Variants in DENND5B observed in about 807,000 individuals in gnomAD.
DENND5B encodes DENN domain containing 5B.
Under a neutral mutation model 140.6 loss-of-function variants are expected in DENND5B, and 34 were observed. That is an observed-to-expected ratio of 0.24 (90% CI 0.18 to 0.32). DENND5B has a LOEUF of 0.32. DENND5B is among the 10% of genes least tolerant of loss of function. The pLI, the probability that DENND5B is intolerant of heterozygous loss-of-function variation, is 1.00. For synonymous variants in DENND5B, 551 were observed against 562.1 expected (o/e 0.98, Z 0.28); for missense variants, 1,142 against 1,560.2 (o/e 0.73, Z 4.52).
At chr12:31,518,341 C>T (rs74818397) in intron 1 of DENND5B, among the ~76,000 whole-genome samples, 85 of 152,330 alleles carry the variant, frequency 5.6e-4, no homozygotes, top group African/African-American at 1.8e-3. Flanking sequence ...AACACAGATG[C>T]TCAGCTAACA....
chr12:31,558,087 C>T (rs1217239314), intron 1 of DENND5B, among the ~76,000 whole-genome samples: 3 of 152,164 alleles, frequency 2.0e-5, no homozygotes. Flanking sequence ...CAAAAGCAAT[C>T]GCATAGACTA....
chr12:31,472,154 T>C (rs1316880826), intron 3 of DENND5B, among the ~76,000 whole-genome samples: 1 of 152,174 alleles, frequency 6.6e-6, no homozygotes, highest in African/African-American at 2.4e-5. Context: ...CTTATTGAAT[T>C]TGCTATCTCA....
At chr12:31,392,171 C>T in intron 19 of DENND5B, 96 bp downstream of exon 19, 6 of 1,363,420 alleles carry the variant, frequency 4.4e-6, no homozygotes, top group South Asian at 1.4e-5. Flanking sequence ...TATATATATC[C>T]TTATCACTAA....
chr12:31,574,740 A>C (rs1317325085), intron 1 of DENND5B, among the ~76,000 whole-genome samples: 1 of 152,204 alleles, frequency 6.6e-6, no homozygotes, highest in African/African-American at 2.4e-5. Context: ...CACCAGAAAC[A>C]AGATGATTTA....
In DENND5B at chr12:31,443,044, T is replaced by TTGTGTGTG. The variant is rs60242727; in HGVS notation, c.1862-127_1862-120dup. ...TCACTCTGACACTCTGAAACAGATA[T>TTGTGTGTG]TGTGTGTGTGTGTGTGTGTGCACGC... On this transcript the variant is annotated intron_variant, in intron 6 of 20. Coordinates refer to ENST00000389082, the MANE Select transcript of DENND5B (RefSeq NM_144973.4). 111 of 506,280 alleles carry TTGTGTGTG rather than the reference T, an allele frequency of 2.2e-4. No homozygotes were observed. In the South Asian group the frequency reaches 2.8e-3, roughly 13 times the overall value. 31.4% of individuals were successfully genotyped at this position (506,280 alleles called of 1,614,324 possible).
chr12:31,533,606 G>A (rs900049717), intron 1 of DENND5B, among the ~76,000 whole-genome samples: 1 of 152,194 alleles, frequency 6.6e-6, no homozygotes. Flanking sequence ...GATTATGTAA[G>A]CAGTGCCCAA....
chr12:31,460,169 G>A (rs764953919), intron 4 of DENND5B, 25 bp downstream of exon 4: 3 of 1,591,414 alleles, frequency 1.9e-6, no homozygotes, highest in Non-Finnish European at 1.7e-6. Context: ...AACAGCAAAT[G>A]CTTCATCATT....
chr12:31,412,122 A>AT (rs1307733215), intron 13 of DENND5B, among the ~76,000 whole-genome samples: 1 of 151,750 alleles, frequency 6.6e-6, no homozygotes, highest in Non-Finnish European at 1.5e-5. Flanking sequence ...TAATTTTTTT[A>AT]TTTTTTGTAG....
chr12:31,523,597 T>A (rs1947981796), intron 1 of DENND5B, among the ~76,000 whole-genome samples: 1 of 151,750 alleles, frequency 6.6e-6, no homozygotes, highest in Admixed American at 6.6e-5. Context: ...CCTAAAAATA[T>A]GCTTTTCCTC....
intron 4 of DENND5B, among the ~76,000 whole-genome samples, chr12:31,458,575 T>C (rs1944882636): frequency 6.6e-6 from 1 of 152,202 alleles, no homozygotes; most frequent in South Asian, 2.1e-4. Flanking sequence ...ATGTCTCTTA[T>C]GTGATCTGAA....
intron 13 of DENND5B, 100 bp downstream of exon 13, chr12:31,413,336 C>T (rs1942565058): frequency 1.6e-5 from 23 of 1,420,146 alleles, no homozygotes; most frequent in Non-Finnish European, 2.0e-5. Context: ...GCACAGGATA[C>T]AGCACTTCAT....
At chr12:31,513,387 G>C (rs1947501754) in intron 1 of DENND5B, among the ~76,000 whole-genome samples, 1 of 152,160 alleles carries the variant, frequency 6.6e-6, no homozygotes, top group African/African-American at 2.4e-5. Flanking sequence ...TTTAGAAATA[G>C]AGAGTTATAC....
chr12:31,428,087 A>G (rs1280441189), intron 8 of DENND5B, among the ~76,000 whole-genome samples: 1 of 152,108 alleles, frequency 6.6e-6, no homozygotes, highest in African/African-American at 2.4e-5. Flanking sequence ...AGTTGTCTCT[A>G]ATTCTCAATT....
At chr12:31,495,758 A>T (rs895360679) in intron 2 of DENND5B, 52 bp downstream of exon 2, 1 of 1,314,348 alleles carries the variant, frequency 7.6e-7, no homozygotes, top group Non-Finnish European at 1.1e-6. Context: ...CCTTCATATT[A>T]ATAAAGTGAA....
intron 1 of DENND5B, among the ~76,000 whole-genome samples, chr12:31,588,955 T>C (rs1950498528): frequency 6.6e-6 from 1 of 152,106 alleles, no homozygotes; most frequent in Non-Finnish European, 1.5e-5. Context: ...TCACACAGTT[T>C]TGCAAAAAGA....
intron 6 of DENND5B, chr12:31,444,220 TG>T (rs1944173352): frequency 6.6e-6 from 1 of 152,172 alleles, no homozygotes; most frequent in East Asian, 1.9e-4. Flanking sequence ...AAGAACCAGG[TG>T]CCTTTATAAA....
At chr12:31,423,474 T>C (rs1943114106) in intron 11 of DENND5B, 123 bp downstream of exon 11, 2 of 976,212 alleles carry the variant, frequency 2.0e-6, no homozygotes, top group East Asian at 2.4e-5. Context: ...CCTTCTACTT[T>C]ATCCCATTAT....
intron 1 of DENND5B, among the ~76,000 whole-genome samples, chr12:31,576,850 G>A (rs141977816): frequency 5.9e-5 from 9 of 151,980 alleles, no homozygotes; most frequent in African/African-American, 2.2e-4. Flanking sequence ...AGTGAGCTAT[G>A]ATCACACCAC....
intron 1 of DENND5B, among the ~76,000 whole-genome samples, chr12:31,522,733 C>A (rs142406895): frequency 6.6e-6 from 1 of 152,176 alleles, no homozygotes; most frequent in South Asian, 2.1e-4. Context: ...CGACTGCACA[C>A]GGCCTTTTTT....
Sources: gnomAD v4.1 joint callset for allele counts (sites outside exome capture counted in the v4.1 genomes callset) on GRCh38, gnomAD v4.1.1 for gene constraint, MANE v1.5 for transcripts, NCBI Gene and HGNC (gene_info 2026-07-23, HGNC 2026-07-21) for gene names.